VWA5B1: variants seen among roughly 807,000 people sequenced by gnomAD.
VWA5B1 encodes the protein von Willebrand factor A domain containing 5B1.
Under a neutral mutation model 118.2 loss-of-function variants are expected in VWA5B1, and 115 were observed. The observed-to-expected ratio is 0.97, with a 90% CI of 0.84 to 1.14. VWA5B1 has a LOEUF of 1.14. Ranked by LOEUF, VWA5B1 falls within the 50% of genes most tolerant of loss-of-function variation. VWA5B1 has a pLI of 0.00. For missense variants in VWA5B1, 1,596 were observed against 1,603.8 expected, an observed-to-expected ratio of 1.00 and a Z score of 0.08; for synonymous variants, 682 against 658.4, an observed-to-expected ratio of 1.04 and a Z score of -0.55.
chr1:20,308,350 C>G (rs981419406), intron 1 of VWA5B1, among the ~76,000 whole-genome samples: 7 of 152,188 alleles, frequency 4.6e-5, no homozygotes, highest in Admixed American at 3.3e-4. Context: ...GGGTAAGATG[C>G]CTTCGGCAGA....
intron 7 of VWA5B1, among the ~76,000 whole-genome samples, chr1:20,321,819 G>T (rs1278112100): frequency 6.6e-6 from 1 of 152,156 alleles, no homozygotes; most frequent in Non-Finnish European, 1.5e-5. Context: ...ACAGGAAGAA[G>T]GTCAGTGCGG....
At chr1:20,298,353 T>C (rs939394112) in intron 1 of VWA5B1, among the ~76,000 whole-genome samples, 29 of 152,248 alleles carry the variant, frequency 1.9e-4, no homozygotes, top group African/African-American at 6.7e-4. Context: ...CTACAGTCTC[T>C]TCACTGCTTA....
intron 3 of VWA5B1, among the ~76,000 whole-genome samples, chr1:20,313,541 C>A (rs1445137318): frequency 6.6e-6 from 1 of 152,356 alleles, no homozygotes; most frequent in East Asian, 1.9e-4. Context: ...GAGCAACTGG[C>A]TCAAGGTCAG....
At chr1:20,317,155 CAA>C (rs367872784) in intron 4 of VWA5B1, among the ~76,000 whole-genome samples, 17,304 of 69,484 alleles carry the variant, frequency 0.25, 948 homozygotes, top group East Asian at 0.53. Context: ...GACTGCATCT[CAA>C]AAAAAAAAAA....
At chr1:20,345,922 A>G (rs559704687) in intron 17 of VWA5B1, among the ~76,000 whole-genome samples, 9 of 152,378 alleles carry the variant, frequency 5.9e-5, no homozygotes, top group Non-Finnish European at 4.4e-5. Context: ...GTAAAAAATA[A>G]CTAAGACCAA....
At position 20,330,390 on chromosome 1, in the gene VWA5B1, T is replaced by G; in HGVS notation, c.1457+8T>G. 6.4e-7 allele frequency: 1 copy of G among 1,551,562 alleles called. No homozygotes were observed. Among genetic ancestry groups the G allele is most frequent in the Non-Finnish European group, 8.7e-7 (1 of 1,146,918 alleles). On this transcript the variant is annotated splice_region_variant and intron_variant, in intron 10 of 21. Coordinates refer to ENST00000289815, the MANE Select transcript of VWA5B1 (RefSeq NM_001039500.3). ...TCACGCCTTCTCCACCAGGTCGGCC[T>G]TGGCTGAGGGTCTAGGCTCGGTGAC...
intron 6 of VWA5B1, 61 bp downstream of exon 6, chr1:20,318,782 TG>T: frequency 7.0e-7 from 1 of 1,437,162 alleles, no homozygotes; most frequent in Non-Finnish European, 9.2e-7. Context: ...GCTGATCCTG[TG>T]GGGACAGAAC....
chr1:20,342,525 C>T lies in VWA5B1; in HGVS notation c.2227C>T (p.Pro743Ser), dbSNP rs1474567288. Residue 743 changes from proline to serine, a missense_variant, in exon 15 of 22, where the codon CCC becomes TCC. Coordinates refer to ENST00000289815, the MANE Select transcript of VWA5B1 (RefSeq NM_001039500.3). ...RPSLLPQGCQ[P>S]FLPWGQETQA... ...CTCTCTGCTGCCCCAAGGCTGCCAGCCCTTCCTGCCCTGGGGCCAGGAGAC... is the reference window on the plus strand; with the variant it reads ...CTCTCTGCTGCCCCAAGGCTGCCAGTCCTTCCTGCCCTGGGGCCAGGAGAC... 3.2e-6 allele frequency: 5 copies of T among 1,549,250 alleles called. No homozygotes were observed. The Admixed American group carries it at 5.9e-5, about 18-fold the overall frequency.
intron 7 of VWA5B1, among the ~76,000 whole-genome samples, chr1:20,320,338 A>G (rs1268485093): frequency 6.6e-6 from 1 of 152,232 alleles, no homozygotes; most frequent in African/African-American, 2.4e-5. Flanking sequence ...ACCACCACCC[A>G]TGCTCTGCCC....
chr1:20,291,839 G>A (rs1232806044), intron 1 of VWA5B1, among the ~76,000 whole-genome samples: 1 of 152,190 alleles, frequency 6.6e-6, no homozygotes, highest in South Asian at 2.1e-4. Context: ...ACTCAGCAGC[G>A]GGTGCAGTGT....
rs1269469327 is a variant in VWA5B1 at position 20,350,192 on chromosome 1, C to G, written c.2915C>G (p.Ala972Gly). 1 of 1,551,180 alleles carries G rather than the reference C, an allele frequency of 6.4e-7. No individual in the cohort carries two copies. The highest frequency in any genetic ancestry group is 2.0e-5 in the Admixed American group (1 of 51,004). The change falls in exon 19 of 22, where the codon GCC (alanine) becomes GGC (glycine). Residue 972 changes from alanine (A) to glycine (G), a missense_variant. By Grantham distance (60) the Ala-to-Gly change is moderately conservative. Transcript: ENST00000289815. Reference sequence around the variant, plus strand: ...AGTCCCACTGCTCTCTTCAGCGAGGCCAGGTCCCCCGGCCGCGAGAAGCAC... The same window carrying G: ...AGTCCCACTGCTCTCTTCAGCGAGGGCAGGTCCCCCGGCCGCGAGAAGCAC... ...EASPTALFSE[A>G]RSPGREKHGA...
intron 1 of VWA5B1, among the ~76,000 whole-genome samples, chr1:20,302,149 A>G (rs1470377522): frequency 6.6e-6 from 1 of 152,098 alleles, no homozygotes; most frequent in East Asian, 1.9e-4. Flanking sequence ...TGTCCAGGAC[A>G]TCTCAACTGG....
In VWA5B1 at chr1:20,309,907, CTGTGTGTGTGTGTGTGTG is replaced by C. The variant is rs59044353; in HGVS notation, c.-26-637_-26-620del. On this transcript the variant is annotated intron_variant, in intron 1 of 21. Transcript: ENST00000289815. The stretch of plus-strand genomic sequence containing the variant: ...CACATGGGTCTTGGCGATGGATTGG[CTGTGTGTGTGTGTGTGTG>C]TGTGTGTGTGTGTGTGTGTGTGTGT... Among the ~76,000 whole-genome samples the C allele has an allele frequency of 1.4e-3, 123 of 85,490 alleles. 2 individuals carry two copies. The highest frequency in any genetic ancestry group is 1.3e-3 in the Admixed American group (9 of 6,850). 56.1% of individuals were successfully genotyped at this position (85,490 alleles called of 152,430 possible).
intron 5 of VWA5B1, chr1:20,318,298 T>G (rs529686156): frequency 1.5e-3 from 664 of 443,530 alleles, no homozygotes; most frequent in Non-Finnish European, 2.2e-3. Flanking sequence ...GAGAGCCATC[T>G]GCTTGGCAGG....
At chr1:20,353,074 G>A (rs2090161178) in intron 21 of VWA5B1, among the ~76,000 whole-genome samples, 1 of 152,182 alleles carries the variant, frequency 6.6e-6, no homozygotes, top group Admixed American at 6.5e-5. Context: ...ACCCAAGCAT[G>A]ACTTCTTGGA....
rs1182178840 is a variant in VWA5B1, at chr1:20,314,546, C to T, written c.517C>T (p.Gln173Ter). Residue 173 changes from glutamine (Q) to a stop codon, truncating the protein, a stop_gained, in exon 4 of 22, where the codon CAG becomes TAG. Coordinates refer to ENST00000289815, the MANE Select transcript of VWA5B1 (RefSeq NM_001039500.3). LOFTEE classifies it high-confidence loss of function. ...LPAVCAPTVP[Q>*]FCTKSTGTSN... ...TGCTGTCTGTGCCCCAACCGTGCCCCAGTTCTGCACCAAGAGCACTGGCAC... is the reference window on the plus strand; with the variant it reads ...TGCTGTCTGTGCCCCAACCGTGCCCTAGTTCTGCACCAAGAGCACTGGCAC... 1 of 1,551,674 alleles carries T rather than the reference C, an allele frequency of 6.4e-7. No homozygotes were observed. Among genetic ancestry groups the T allele is most frequent in the Non-Finnish European group, 8.7e-7 (1 of 1,147,016 alleles).
rs567195888 is a variant in VWA5B1, at chr1:20,346,658, T to C, written c.2764+1065T>C. On this transcript the variant is annotated intron_variant, in intron 17 of 21. Transcript: ENST00000289815. ...TCCAACACTGAATATTGTTTATCTT[T>C]CTAAACTCTGCCAGTCTGATAGGTG... 7.2e-5 allele frequency among the ~76,000 whole-genome samples: 11 copies of C among 152,372 alleles called. No homozygotes were observed. In the East Asian group the frequency reaches 2.1e-3, roughly 29 times the overall value.
intron 4 of VWA5B1, among the ~76,000 whole-genome samples, chr1:20,317,155 CAAAAA>C (rs367872784): frequency 2.8e-5 from 2 of 70,526 alleles, no homozygotes; most frequent in African/African-American, 5.7e-5. Flanking sequence ...GACTGCATCT[CAAAAA>C]AAAAAAAAAA....
At chr1:20,301,626 C>G (rs1290682173) in intron 1 of VWA5B1, among the ~76,000 whole-genome samples, 1 of 152,232 alleles carries the variant, frequency 6.6e-6, no homozygotes, top group African/African-American at 2.4e-5. Context: ...TCAAAAACAG[C>G]TCTCCCTGTG....
Sources: gnomAD v4.1 joint callset for allele counts (sites outside exome capture counted in the v4.1 genomes callset) on GRCh38, gnomAD v4.1.1 for gene constraint, MANE v1.5 for transcripts, NCBI Gene and HGNC (gene_info 2026-07-23, HGNC 2026-07-21) for gene names.